The following PEX7 variants were observed in gnomAD, a reference collection of about 807,000 sequenced individuals.
PEX7 encodes peroxisomal biogenesis factor 7.
PEX7 carries 34 observed loss-of-function variants against 47.5 expected under a neutral mutation model. The observed-to-expected ratio is 0.72, with a 90% confidence interval of 0.54 to 0.95. The LOEUF (loss-of-function observed/expected upper bound fraction) is 0.95. PEX7 is among the 40% of genes least tolerant of loss of function. PEX7 has a pLI of 0.00. For missense variants in PEX7, 394 were observed against 400.3 expected, an observed-to-expected ratio of 0.98 and a Z score of 0.13; for synonymous variants, 141 against 148.8, an observed-to-expected ratio of 0.95 and a Z score of 0.38.
intron 5 of PEX7, among the ~76,000 whole-genome samples, chr6:136,864,002 G>T (rs908740049): frequency 1.4e-4 from 22 of 152,288 alleles, no homozygotes; most frequent in African/African-American, 4.8e-4. Context: ...TGTAAAGTGT[G>T]CATGCTGGGG....
intron 3 of PEX7, among the ~76,000 whole-genome samples, chr6:136,832,253 A>G (rs926749237): frequency 6.6e-6 from 1 of 152,266 alleles, no homozygotes; most frequent in African/African-American, 2.4e-5. Context: ...CCTCAGAAGC[A>G]ATGGCTTGAG....
At chr6:136,855,581 C>T (rs954940855) in intron 5 of PEX7, 5 of 176,344 alleles carry the variant, frequency 2.8e-5, no homozygotes, top group African/African-American at 1.2e-4. Context: ...CTCAGGTAAT[C>T]CGCCTGCCTT....
At chr6:136,837,924 C>T (rs375232481) in intron 3 of PEX7, among the ~76,000 whole-genome samples, 254 of 152,168 alleles carry the variant, frequency 1.7e-3, no homozygotes, top group Middle Eastern at 0.01. Flanking sequence ...ATTATTAGGA[C>T]ATCCAGCTCA....
chr6:136,909,958 G>C (rs978233151), intron 9 of PEX7, among the ~76,000 whole-genome samples: 2 of 152,054 alleles, frequency 1.3e-5, no homozygotes, highest in Non-Finnish European at 2.9e-5. Flanking sequence ...GGAAGGCCCA[G>C]CACTTGAAAA....
At chr6:136,845,194 A>G (rs1774573366) in intron 3 of PEX7, among the ~76,000 whole-genome samples, 2 of 152,346 alleles carry the variant, frequency 1.3e-5, no homozygotes, top group Middle Eastern at 6.8e-3. Flanking sequence ...AGCTTTTTCT[A>G]AGAAAGGCCA....
At chr6:136,858,792 G>C (rs376896781) in intron 5 of PEX7, among the ~76,000 whole-genome samples, 3 of 152,288 alleles carry the variant, frequency 2.0e-5, no homozygotes, top group East Asian at 3.9e-4. Context: ...AGAAGTGGTT[G>C]CTTTAGTTGG....
chr6:136,827,041 A>C (rs1019436005), intron 3 of PEX7, among the ~76,000 whole-genome samples: 1 of 152,230 alleles, frequency 6.6e-6, no homozygotes, highest in Admixed American at 6.5e-5. Context: ...TTCAGTGAAC[A>C]TAAAGACATC....
At chr6:136,868,663 T>TA (rs1562745141) in intron 6 of PEX7, among the ~76,000 whole-genome samples, 1 of 151,944 alleles carries the variant, frequency 6.6e-6, no homozygotes, top group East Asian at 1.9e-4. Context: ...AAGCCCAACA[T>TA]AGTCAGACAA....
Position 136,879,180 on chromosome 6 carries a change from CTTTG to C in PEX7, c.803+6931_803+6934del, listed in dbSNP as rs1169464964. 5.3e-5 allele frequency among the ~76,000 whole-genome samples: 8 copies of C among 151,868 alleles called. No homozygotes were observed. The South Asian group carries it at 1.0e-3, about 20-fold the overall frequency. ...TGATATATTTTTACTTAGTTTCTACCTTTGTTTTAGTCTTAAGTGTATAATTAAA... is the reference window on the plus strand; with the variant it reads ...TGATATATTTTTACTTAGTTTCTACCTTTTAGTCTTAAGTGTATAATTAAA... On this transcript the variant is annotated intron_variant, in intron 8 of 9. Transcript: ENST00000318471.
At chr6:136,846,281 C>G in intron 5 of PEX7, 100 bp downstream of exon 5, 1 of 603,794 alleles carries the variant, frequency 1.7e-6, no homozygotes, top group South Asian at 2.3e-5. Context: ...AGAGAGAAAA[C>G]AGGAGAATAT....
intron 1 of PEX7, among the ~76,000 whole-genome samples, chr6:136,824,955 CAT>C (rs775901490): frequency 2.0e-5 from 3 of 152,140 alleles, no homozygotes; most frequent in Non-Finnish European, 4.4e-5. Context: ...GAATTCCAAT[CAT>C]AGGTGCAATG....
intron 5 of PEX7, among the ~76,000 whole-genome samples, chr6:136,849,517 G>C (rs1774696670): frequency 6.6e-6 from 1 of 152,142 alleles, no homozygotes; most frequent in Non-Finnish European, 1.5e-5. Context: ...TCTACACACT[G>C]CTTTAAATGT....
intron 5 of PEX7, among the ~76,000 whole-genome samples, chr6:136,850,014 T>C (rs1443497236): frequency 6.6e-6 from 1 of 152,158 alleles, no homozygotes; most frequent in Non-Finnish European, 1.5e-5. Flanking sequence ...CTCTAAGGAC[T>C]TGCTTTATGA....
intron 5 of PEX7, among the ~76,000 whole-genome samples, chr6:136,848,932 G>A (rs1234310397): frequency 1.3e-5 from 2 of 152,152 alleles, no homozygotes; most frequent in Non-Finnish European, 2.9e-5. Flanking sequence ...AATGGTACCA[G>A]CTCCTCTTTA....
At chr6:136,891,395 T>C (rs79734610) in intron 8 of PEX7, among the ~76,000 whole-genome samples, 2,996 of 152,328 alleles carry the variant, frequency 0.02, 120 homozygotes, top group African/African-American at 0.068. Flanking sequence ...GTGGAGTTTC[T>C]GGGTATTAGT....
intron 8 of PEX7, among the ~76,000 whole-genome samples, chr6:136,892,507 G>A (rs780667798): frequency 6.6e-6 from 1 of 152,122 alleles, no homozygotes; most frequent in Non-Finnish European, 1.5e-5. Context: ...ACCATGGATT[G>A]CTTAATTTCT....
At chr6:136,830,663 A>G (rs908014642) in intron 3 of PEX7, among the ~76,000 whole-genome samples, 1 of 152,372 alleles carries the variant, frequency 6.6e-6, no homozygotes, top group African/African-American at 2.4e-5. Flanking sequence ...TAGAAAAATA[A>G]GAGTGAATTG....
At chr6:136,872,807 A>G (rs1775205937) in intron 8 of PEX7, among the ~76,000 whole-genome samples, 1 of 152,130 alleles carries the variant, frequency 6.6e-6, no homozygotes, top group Admixed American at 6.5e-5. Context: ...CCAAATTTGT[A>G]ACTCTTGACT....
Position 136,872,261 on chromosome 6 carries a change from G to T in PEX7, c.803+8G>T. ...GTATGATTTTACTGTAAGGTACAGT[G>T]GTTTTTAATACATTTCATTGTGAAA... On this transcript the variant is annotated splice_region_variant and intron_variant, in intron 8 of 9. Transcript: ENST00000318471. The T allele has an allele frequency of 6.2e-7, 1 of 1,603,426 alleles. No individual in the cohort carries two copies. The highest frequency in any genetic ancestry group is 8.5e-7 in the Non-Finnish European group (1 of 1,173,836).
Sources: gnomAD v4.1 joint callset for allele counts (sites outside exome capture counted in the v4.1 genomes callset) on GRCh38, gnomAD v4.1.1 for gene constraint, MANE v1.5 for transcripts, NCBI Gene and HGNC (gene_info 2026-07-23, HGNC 2026-07-21) for gene names.